SFMBT2: variants seen among roughly 807,000 people sequenced by gnomAD.
SFMBT2 encodes the protein Scm like with four mbt domains 2.
Under a neutral mutation model 110.1 loss-of-function variants are expected in SFMBT2, and 38 were observed. The observed-to-expected ratio is 0.35, with a 90% CI of 0.27 to 0.45. The LOEUF is 0.45. Among genes scored for constraint, SFMBT2 ranks in the 20% least tolerant of loss-of-function variants. SFMBT2 has a pLI of 1.00. For missense variants in SFMBT2, 1,011 were observed against 1,094.9 expected (o/e 0.92, Z 1.08); for synonymous variants, 425 against 425.4 (o/e 1.00, Z 0.01).
At chr10:7,313,774 T>A (rs990858702) in intron 4 of SFMBT2, among the ~76,000 whole-genome samples, 1 of 152,210 alleles carries the variant, frequency 6.6e-6, no homozygotes, top group Non-Finnish European at 1.5e-5. Context: ...TGAGCCACCA[T>A]GTCCAGCCAG....
chr10:7,163,967 T>C lies in SFMBT2; in HGVS notation c.2545-57A>G, dbSNP rs1393618943. ...GGCAGTGTGCACTGGGGTACACAGA[T>C]GCGTCACAGCAGGCTCCAGTCCGGG... is the stretch of plus-strand genomic sequence containing the variant. On this transcript the variant is annotated intron_variant, in intron 20 of 20. Transcript: ENST00000397167. This position sits in a 1 kb window ranked among gnomAD's most constrained non-coding sequence, Gnocchi z 4.8. The C allele has an allele frequency of 6.4e-7, 1 of 1,558,494 alleles. No individual in the cohort carries two copies. Among genetic ancestry groups the C allele is most frequent in the Non-Finnish European group, 8.7e-7 (1 of 1,150,562 alleles).
Position 7,272,276 on chromosome 10 carries a change from T to A in SFMBT2, c.870+4616A>T, listed in dbSNP as rs181307718. Among the ~76,000 whole-genome samples, 603 of 152,188 alleles carry A rather than the reference T, an allele frequency of 4.0e-3. 3 individuals carry two copies. Among genetic ancestry groups the A allele is most frequent in the African/African-American group, 0.013 (550 of 41,518 alleles). On this transcript the variant is annotated intron_variant, in intron 7 of 20. Transcript: ENST00000397167. Reference sequence around the variant, plus strand: ...AAAACTACAGTCCAGAGACTTTTTTTAAAAAAGACACACCCACTCAGCACA... The same window carrying A: ...AAAACTACAGTCCAGAGACTTTTTTAAAAAAAGACACACCCACTCAGCACA...
intron 4 of SFMBT2, chr10:7,287,428 C>T: frequency 4.1e-6 from 1 of 244,196 alleles, no homozygotes; most frequent in Non-Finnish European, 6.6e-6. Flanking sequence ...CAACATTCTA[C>T]AAGTGCTTAG....
At chr10:7,274,424 C>A (rs886255406) in intron 7 of SFMBT2, among the ~76,000 whole-genome samples, 1 of 152,122 alleles carries the variant, frequency 6.6e-6, no homozygotes, top group African/African-American at 2.4e-5. Context: ...GTTGTGGGGA[C>A]GTAATTGAAT....
chr10:7,171,133 C>T lies in SFMBT2; in HGVS notation c.2416-77G>A, dbSNP rs1166118113. 11 of 1,601,192 alleles carry T rather than the reference C, an allele frequency of 6.9e-6. No homozygotes were observed. The highest frequency in any genetic ancestry group is 5.4e-5 in the African/African-American group (4 of 74,766). On this transcript the variant is annotated intron_variant, in intron 19 of 20. Transcript: ENST00000397167. This position sits in a 1 kb window ranked among gnomAD's most constrained non-coding sequence, Gnocchi z 4.9. ...GTCCTCTCCAGCACTCTCCAGGCCT[C>T]GGCCGTTCCTGGCCGGAAGCCACTG...
intron 9 of SFMBT2, among the ~76,000 whole-genome samples, chr10:7,228,836 A>C (rs1840027363): frequency 6.7e-6 from 1 of 149,464 alleles, no homozygotes; most frequent in Non-Finnish European, 1.5e-5. Flanking sequence ...TGGGGGGAAG[A>C]TGCAACTATA....
chr10:7,307,540 A>C (rs1053926690), intron 4 of SFMBT2, among the ~76,000 whole-genome samples: 1 of 152,250 alleles, frequency 6.6e-6, no homozygotes, highest in African/African-American at 2.4e-5. Flanking sequence ...AAATCCAATT[A>C]ATGGTTAGAA....
At chr10:7,247,313 C>T (rs1840649948) in intron 8 of SFMBT2, among the ~76,000 whole-genome samples, 1 of 152,148 alleles carries the variant, frequency 6.6e-6, no homozygotes. Flanking sequence ...GACGGGGTTT[C>T]ACCCTGTTGG....
chr10:7,315,956 G>C (rs910710301), intron 4 of SFMBT2, among the ~76,000 whole-genome samples: 1 of 152,100 alleles, frequency 6.6e-6, no homozygotes, highest in Non-Finnish European at 1.5e-5. Context: ...CACAGATTAA[G>C]GCTAATCTAT....
chr10:7,394,239 G>A (rs768411056), intron 1 of SFMBT2, among the ~76,000 whole-genome samples: 2 of 152,218 alleles, frequency 1.3e-5, no homozygotes, highest in South Asian at 2.1e-4. Context: ...AGCACGCCCA[G>A]TGAGATGATT....
intron 2 of SFMBT2, among the ~76,000 whole-genome samples, chr10:7,377,161 T>C (rs1588493693): frequency 2.8e-5 from 2 of 71,084 alleles, no homozygotes; most frequent in South Asian, 6.7e-4. Context: ...AGAGCGAGAC[T>C]CCATCTCAAA....
rs77051816 is a variant in SFMBT2, at chr10:7,198,760, C to T, written c.1559-1073G>A. Among the ~76,000 whole-genome samples, 1,449 of 152,228 alleles carry T rather than the reference C, an allele frequency of 9.5e-3. 16 individuals carry two copies. The highest frequency in any genetic ancestry group is 0.02 in the African/African-American group (847 of 41,560). ...TAAGACCTCAATCTAAAGTTTCTTT[C>T]TTACAGGTGGTGGCTCATGCCTATA... On this transcript the variant is annotated intron_variant, in intron 14 of 20. Coordinates refer to ENST00000397167, the MANE Select transcript of SFMBT2 (RefSeq NM_001387889.1).
At chr10:7,203,022 A>T in intron 12 of SFMBT2, 1 of 985,432 alleles carries the variant, frequency 1.0e-6, no homozygotes, top group Non-Finnish European at 1.2e-6. Context: ...TATTGACATA[A>T]ATGAGCAAAT....
At position 7,204,980 on chromosome 10, in the gene SFMBT2, A is replaced by G. The variant is rs1032864072; in HGVS notation, c.1444+835T>C. The G allele has an allele frequency of 1.6e-5, 16 of 973,400 alleles. No homozygotes were observed. The African/African-American group carries it at 2.8e-4, about 17-fold the overall frequency. 60.3% of individuals were successfully genotyped at this position (973,400 alleles called of 1,614,324 possible). On this transcript the variant is annotated intron_variant, in intron 12 of 20. Transcript: ENST00000397167. ...GCTGGGTTAACTGTTAATATTGGTT[A>G]TTTGGTATTTCTGTAACCAAAGGGA...
intron 4 of SFMBT2, among the ~76,000 whole-genome samples, chr10:7,337,732 A>G (rs934024444): frequency 6.6e-6 from 1 of 152,124 alleles, no homozygotes; most frequent in Non-Finnish European, 1.5e-5. Flanking sequence ...GAGAATGGAT[A>G]ATAACACAGG....
intron 8 of SFMBT2, among the ~76,000 whole-genome samples, chr10:7,244,667 A>G (rs1048862685): frequency 6.6e-6 from 1 of 152,228 alleles, no homozygotes; most frequent in African/African-American, 2.4e-5. Context: ...GGCCAGAAAA[A>G]AAGATCCCTT....
In SFMBT2 at chr10:7,172,582, G is replaced by A. The variant is rs181748345; in HGVS notation, c.2064C>T (p.Pro688=). ...ATTTCCGTCGCTTCCTCCGCCTGGC[G>A]GGTTTGGGGTGTCCGCTGTCGGGGT... ...ESNPDSGHPK[P]ARRRKRRKSI... The change falls in exon 18 of 21, where the codon CCC becomes CCT. Residue 688 remains proline (P), a synonymous_variant. Transcript: ENST00000397167. The surrounding 1 kb of genome is among the most constrained non-coding windows in gnomAD (Gnocchi z 4.6). The A allele has an allele frequency of 6.0e-5, 97 of 1,614,218 alleles. No homozygotes were observed. Among genetic ancestry groups the A allele is most frequent in the East Asian group, 1.1e-4 (5 of 44,876 alleles).
chr10:7,180,869 G>A (rs1362223199), intron 16 of SFMBT2, among the ~76,000 whole-genome samples: 3 of 152,102 alleles, frequency 2.0e-5, no homozygotes, highest in African/African-American at 4.8e-5. Context: ...TGTCACAGCC[G>A]GAGTTGCAAG....
chr10:7,172,634 ATCT>A lies in SFMBT2; in HGVS notation c.2009_2011del (p.Lys670del). On this transcript the variant is annotated inframe_deletion, in exon 18 of 21. Coordinates refer to ENST00000397167, the MANE Select transcript of SFMBT2 (RefSeq NM_001387889.1). This position sits in a 1 kb window ranked among gnomAD's most constrained non-coding sequence, Gnocchi z 4.6. ...GCTTTCCCCGATGGGGGGCTTGGAG[ATCT>A]TCTTTCTCTTTCCATAGTAATAGGC... 4 of 1,614,082 alleles carry A rather than the reference ATCT, an allele frequency of 2.5e-6. No individual in the cohort carries two copies. The South Asian group carries it at 3.3e-5, about 13-fold the overall frequency.
Sources: allele counts gnomAD v4.1 joint callset (sites outside exome capture counted in the v4.1 genomes callset), GRCh38; gene constraint gnomAD v4.1.1; non-coding constraint Gnocchi (gnomAD v3.1); transcripts MANE v1.5; gene names NCBI Gene and HGNC (gene_info 2026-07-23, HGNC 2026-07-21).